Variants in CFAP299 observed in about 807,000 individuals in gnomAD.
The protein encoded by CFAP299 is cilia- and flagella-associated protein 299.
A neutral mutation model predicts 27.0 loss-of-function variants in CFAP299; 21 were observed. The ratio of observed to expected loss-of-function variants is 0.78; its 90% CI spans 0.55 to 1.12. The LOEUF (loss-of-function observed/expected upper bound fraction) is 1.12, where lower values mean the gene tolerates loss of function less well. CFAP299 is among the 50% of genes most tolerant of loss of function. The pLI is 0.00. For missense variants in CFAP299, 310 were observed against 276.6 expected, an observed-to-expected ratio of 1.12 and a Z score of -0.86; for synonymous variants, 104 against 98.1, an observed-to-expected ratio of 1.06 and a Z score of -0.36.
intron 2 of CFAP299, chr4:80,388,479 C>T (rs535462089): frequency 9.1e-5 from 111 of 1,216,518 alleles, no homozygotes; most frequent in Non-Finnish European, 1.2e-4. Flanking sequence ...AGGTCGGGGG[C>T]ATTTCTTTGG....
chr4:80,664,581 C>A (rs969581411), intron 3 of CFAP299, among the ~76,000 whole-genome samples: 1 of 152,164 alleles, frequency 6.6e-6, no homozygotes, highest in Non-Finnish European at 1.5e-5. Context: ...CCCCTCTCCC[C>A]ACCAAGCTCA....
chr4:80,871,684 AGC>A, intron 4 of CFAP299: 2 of 966,314 alleles, frequency 2.1e-6, no homozygotes, highest in Non-Finnish European at 2.5e-6. Flanking sequence ...TTATCTTAGC[AGC>A]TTTGTTTTGT....
At chr4:80,407,274 C>T (rs1224640370) in intron 2 of CFAP299, among the ~76,000 whole-genome samples, 1 of 152,110 alleles carries the variant, frequency 6.6e-6, no homozygotes, top group African/African-American at 2.4e-5. Flanking sequence ...CTGCATTAAA[C>T]CTACCCCAAA....
chr4:80,902,300 C>A (rs963053942), intron 4 of CFAP299, among the ~76,000 whole-genome samples: 5 of 147,956 alleles, frequency 3.4e-5, no homozygotes, highest in African/African-American at 1.2e-4. Context: ...TTCTTTATAT[C>A]ATTATTTTAT....
chr4:80,700,150 T>C (rs146272766), intron 3 of CFAP299, among the ~76,000 whole-genome samples: 11 of 152,274 alleles, frequency 7.2e-5, no homozygotes, highest in Middle Eastern at 3.4e-3. Flanking sequence ...GAAGTCAGTG[T>C]AGTAAGGTAG....
At chr4:80,590,833 TAGG>T (rs1480896231) in intron 3 of CFAP299, among the ~76,000 whole-genome samples, 4 of 151,976 alleles carry the variant, frequency 2.6e-5, no homozygotes, top group Admixed American at 6.6e-5. Flanking sequence ...TTGTGCTAGG[TAGG>T]AGGAGGTTGG....
chr4:80,640,258 T>C (rs1057507172), intron 3 of CFAP299, among the ~76,000 whole-genome samples: 2 of 152,086 alleles, frequency 1.3e-5, no homozygotes, highest in African/African-American at 4.8e-5. Context: ...TGGTAAGTCG[T>C]TAGGCCTGGC....
At chr4:80,812,229 T>G (rs1729190583) in intron 3 of CFAP299, among the ~76,000 whole-genome samples, 1 of 152,124 alleles carries the variant, frequency 6.6e-6, no homozygotes, top group South Asian at 2.1e-4. Flanking sequence ...CCAATCTTCT[T>G]GAATTTTGAT....
intron 3 of CFAP299, among the ~76,000 whole-genome samples, chr4:80,827,462 A>G (rs1730048640): frequency 2.0e-5 from 3 of 151,940 alleles, no homozygotes; most frequent in Non-Finnish European, 4.4e-5. Flanking sequence ...GAAGAAAAAA[A>G]TCATATGGCC....
chr4:80,674,966 A>C (rs2109998411), intron 3 of CFAP299, among the ~76,000 whole-genome samples: 1 of 152,262 alleles, frequency 6.6e-6, no homozygotes, highest in East Asian at 1.9e-4. Context: ...ATGTGTTTGA[A>C]CATCCTCCTT....
intron 3 of CFAP299, among the ~76,000 whole-genome samples, chr4:80,783,639 T>G (rs1727062508): frequency 6.6e-6 from 1 of 152,188 alleles, no homozygotes; most frequent in African/African-American, 2.4e-5. Context: ...AATATATCAT[T>G]GCAAAAGACT....
At chr4:80,699,728 TATCA>T (rs1469379291) in intron 3 of CFAP299, among the ~76,000 whole-genome samples, 1 of 152,166 alleles carries the variant, frequency 6.6e-6, no homozygotes, top group Non-Finnish European at 1.5e-5. Context: ...CTTGCTAAGT[TATCA>T]CACATGCCTG....
At chr4:80,900,339 G>A (rs1734825786) in intron 4 of CFAP299, among the ~76,000 whole-genome samples, 1 of 151,982 alleles carries the variant, frequency 6.6e-6, no homozygotes. Flanking sequence ...TTTATGTTTT[G>A]TAACTATACA....
At chr4:80,810,542 G>A (rs1729096446) in intron 3 of CFAP299, among the ~76,000 whole-genome samples, 4 of 152,076 alleles carry the variant, frequency 2.6e-5, no homozygotes, top group Admixed American at 2.6e-4. Flanking sequence ...GAGACACAGA[G>A]AAGAATGCAA....
rs763435488 is a variant in CFAP299, at chr4:80,453,695, G to A, written c.242+90811G>A. Among the ~76,000 whole-genome samples the A allele has an allele frequency of 8.6e-5, 13 of 151,530 alleles. No homozygotes were observed. The South Asian group carries it at 1.9e-3, about 22-fold the overall frequency. The stretch of plus-strand genomic sequence containing the variant: ...GTCTCTACTAAAAATACAAAAATTA[G>A]CCAGGCTTCTTGGCGCGTGCCTGTA... On this transcript the variant is annotated intron_variant, in intron 2 of 5. Transcript: ENST00000358105.
At chr4:80,469,367 A>T (rs1027991698) in intron 2 of CFAP299, among the ~76,000 whole-genome samples, 4 of 152,202 alleles carry the variant, frequency 2.6e-5, no homozygotes, top group African/African-American at 9.7e-5. Flanking sequence ...AAGGATACAT[A>T]GTTATTTAGT....
chr4:80,788,454 T>C lies in CFAP299; in HGVS notation c.334-81539T>C, dbSNP rs1044252656. Among the ~76,000 whole-genome samples the C allele has an allele frequency of 4.6e-5, 7 of 152,018 alleles. No homozygotes were observed. In the Admixed American group the frequency reaches 4.6e-4, roughly 10 times the overall value. On this transcript the variant is annotated intron_variant, in intron 3 of 5. Transcript: ENST00000358105. Reference sequence around the variant, plus strand: ...TCATGTCCATTTGAGGATTAAAATGTAGTGTACCCATCACATCTTGTTATT... The same window carrying C: ...TCATGTCCATTTGAGGATTAAAATGCAGTGTACCCATCACATCTTGTTATT...
intron 3 of CFAP299, among the ~76,000 whole-genome samples, chr4:80,658,023 C>A (rs944132555): frequency 3.3e-5 from 5 of 152,088 alleles, no homozygotes; most frequent in African/African-American, 1.2e-4. Flanking sequence ...CATGATTTGG[C>A]TCTCTGATTG....
intron 2 of CFAP299, among the ~76,000 whole-genome samples, chr4:80,517,659 A>G (rs1387380194): frequency 6.6e-6 from 1 of 152,210 alleles, no homozygotes; most frequent in Non-Finnish European, 1.5e-5. Flanking sequence ...GGGACCTAGA[A>G]GTATTCCTAG....
Sources: allele counts gnomAD v4.1 joint callset (sites outside exome capture counted in the v4.1 genomes callset), GRCh38; gene constraint gnomAD v4.1.1; transcripts MANE v1.5; gene names NCBI Gene and HGNC (gene_info 2026-07-23, HGNC 2026-07-21).